IL16: variants seen among roughly 807,000 people sequenced by gnomAD.
The protein encoded by IL16 is interleukin 16.
Under a neutral mutation model 110.1 loss-of-function variants are expected in IL16, and 67 were observed. The ratio of observed to expected loss-of-function variants is 0.61; its 90% CI spans 0.50 to 0.75. IL16 has a LOEUF of 0.75. Ranked by LOEUF, IL16 falls within the 30% of genes least tolerant of loss-of-function variation. The pLI, the probability that IL16 is intolerant of heterozygous loss-of-function variation, is 0.00. For missense variants in IL16, 1,545 were observed against 1,655.0 expected (o/e 0.93, Z 1.15); for synonymous variants, 689 against 662.9 (o/e 1.04, Z -0.61).
At chr15:81,253,650 A>G (rs549540596) in intron 2 of IL16, among the ~76,000 whole-genome samples, 17 of 152,336 alleles carry the variant, frequency 1.1e-4, no homozygotes, top group African/African-American at 3.4e-4. Flanking sequence ...GGTGTGATAG[A>G]GGAGTCCAGC....
Position 81,225,387 on chromosome 15 carries a change from T to G in IL16, c.-13T>G. 3.1e-6 allele frequency: 5 copies of G among 1,612,924 alleles called. No homozygotes were observed. Among genetic ancestry groups the G allele is most frequent in the Middle Eastern group, 1.7e-4 (1 of 6,052 alleles). The stretch of plus-strand genomic sequence containing the variant: ...AGGAAAGGAAGAAAGGCAGCTTCAC[T>G]TCCTCTTTGAGGATGGAGTCGCACA... On this transcript the variant is annotated 5_prime_UTR_variant, in exon 2 of 19. Transcript: ENST00000683961.
intron 2 of IL16, among the ~76,000 whole-genome samples, chr15:81,252,449 T>G (rs1464345737): frequency 6.6e-6 from 1 of 152,106 alleles, no homozygotes; most frequent in African/African-American, 2.4e-5. Context: ...AATAGATGAG[T>G]GAATATTCTA....
At position 81,212,377 on chromosome 15, in the gene IL16, G is replaced by A. The variant is rs1896280621; in HGVS notation, c.-101-12922G>A. Among the ~76,000 whole-genome samples the A allele has an allele frequency of 2.0e-5, 3 of 152,088 alleles. No homozygotes were observed. In the East Asian group the frequency reaches 5.8e-4, roughly 29 times the overall value. On this transcript the variant is annotated intron_variant, in intron 1 of 18. Coordinates refer to ENST00000683961, the MANE Select transcript of IL16 (RefSeq NM_172217.5). ...TTATTTACTTATATATACATCTTATGTGTGTTTATGTGATCTATGTACTAT... is the reference window on the plus strand; with the variant it reads ...TTATTTACTTATATATACATCTTATATGTGTTTATGTGATCTATGTACTAT...
At chr15:81,235,412 T>C (rs975946523) in intron 2 of IL16, among the ~76,000 whole-genome samples, 1 of 151,820 alleles carries the variant, frequency 6.6e-6, no homozygotes, top group Non-Finnish European at 1.5e-5. Context: ...AGAGAGGAGA[T>C]CCCAGACTCT....
chr15:81,221,234 C>CT (rs1896605395), intron 1 of IL16, among the ~76,000 whole-genome samples: 1 of 152,246 alleles, frequency 6.6e-6, no homozygotes, highest in African/African-American at 2.4e-5. Flanking sequence ...AGTAAAACAA[C>CT]TGATCGCATT....
rs536168275 is a variant in IL16 at position 81,210,932 on chromosome 15, G to T, written c.-102+13780G>T. On this transcript the variant is annotated intron_variant, in intron 1 of 18. Transcript: ENST00000683961. ...CCTTGTCTTATTCCAATCCTCAAGG[G>T]GAATGGTTCCAGCTTTTTCCCATTC... Among the ~76,000 whole-genome samples the T allele has an allele frequency of 3.3e-5, 5 of 152,282 alleles. No homozygotes were observed. In the East Asian group the frequency reaches 9.6e-4, roughly 29 times the overall value.
chr15:81,218,694 T>C (rs1432298705), intron 1 of IL16, among the ~76,000 whole-genome samples: 1 of 152,230 alleles, frequency 6.6e-6, no homozygotes, highest in African/African-American at 2.4e-5. Flanking sequence ...ATTAATAGTT[T>C]GATTTTATTG....
rs770520247 is a variant in IL16, at chr15:81,269,521, C to G, written c.565-17C>G. On this transcript the variant is annotated splice_polypyrimidine_tract_variant and intron_variant, in intron 4 of 18. Coordinates refer to ENST00000683961, the MANE Select transcript of IL16 (RefSeq NM_172217.5). ...CTATGTGGCTAATCTTCTGCCTACT[C>G]TGGTTCCTTGTTGCAGGGAACTTCG... is the stretch of plus-strand genomic sequence containing the variant. The G allele has an allele frequency of 3.8e-6, 6 of 1,585,912 alleles. No individual in the cohort carries two copies. The highest frequency in any genetic ancestry group is 2.2e-5 in the South Asian group (2 of 90,416).
At chr15:81,204,821 A>G (rs757509528) in intron 1 of IL16, among the ~76,000 whole-genome samples, 3 of 152,002 alleles carry the variant, frequency 2.0e-5, no homozygotes, top group Non-Finnish European at 4.4e-5. Flanking sequence ...TGGAAGCTAG[A>G]GAGCGCATGG....
At chr15:81,196,564 A>C (rs1895601777), upstream of IL16, among the ~76,000 whole-genome samples, 1 of 152,180 alleles carries the variant, frequency 6.6e-6, no homozygotes, top group Non-Finnish European at 1.5e-5. Flanking sequence ...GTTTATAGAA[A>C]GCTCCTAGCA....
At chr15:81,256,493 CGGCTAGTTT>C (rs1897952144) in intron 2 of IL16, among the ~76,000 whole-genome samples, 1 of 151,874 alleles carries the variant, frequency 6.6e-6, no homozygotes, top group Non-Finnish European at 1.5e-5. Flanking sequence ...GCCAACATGC[CGGCTAGTTT>C]TTTTGTATTT....
Position 81,247,082 on chromosome 15 carries a change from T to C in IL16, c.313-12690T>C, listed in dbSNP as rs1045703552. On this transcript the variant is annotated intron_variant, in intron 2 of 18. Transcript: ENST00000683961. The stretch of plus-strand genomic sequence containing the variant: ...TTTTCTTTCTTTTCTTTTCCTTTTT[T>C]TTTTTTTTTTTTTTGATCTTGAGTG... 4.6e-4 allele frequency among the ~76,000 whole-genome samples: 67 copies of C among 145,244 alleles called. 1 individual carries two copies. The highest frequency in any genetic ancestry group is 5.8e-4 in the East Asian group (3 of 5,158).
At chr15:81,195,098 A>G (rs1170865441), upstream of IL16, among the ~76,000 whole-genome samples, 1 of 152,198 alleles carries the variant, frequency 6.6e-6, no homozygotes, top group African/African-American at 2.4e-5. Flanking sequence ...CGTATTAGGA[A>G]AAATCAGGGC....
In IL16 at chr15:81,303,768, C is replaced by A. The variant is rs1900414210; in HGVS notation, c.3420+118C>A. On this transcript the variant is annotated intron_variant, in intron 16 of 18. Coordinates refer to ENST00000683961, the MANE Select transcript of IL16 (RefSeq NM_172217.5). This position sits in a 1 kb window ranked among gnomAD's most constrained non-coding sequence, Gnocchi z 4.1. ...AAATGAAGAATGCATGACACTAGGC[C>A]ACTGGGCAGGTCCTGTCCACTCAGC... The A allele has an allele frequency of 2.8e-6, 2 of 713,692 alleles. No homozygotes were observed. The highest frequency in any genetic ancestry group is 5.0e-6 in the Non-Finnish European group (2 of 396,262). 44.2% of individuals were successfully genotyped at this position (713,692 alleles called of 1,614,324 possible).
intron 3 of IL16, among the ~76,000 whole-genome samples, chr15:81,263,937 C>T (rs1222050587): frequency 2.0e-5 from 3 of 152,162 alleles, no homozygotes; most frequent in African/African-American, 7.2e-5. Context: ...GAAGGAGTAA[C>T]TCCAGCAGGG....
chr15:81,299,457 G>A lies in IL16; in HGVS notation c.2131G>A (p.Glu711Lys), dbSNP rs781599219. 3.3e-5 allele frequency: 54 copies of A among 1,614,074 alleles called. No individual in the cohort carries two copies. The highest frequency in any genetic ancestry group is 1.6e-4 in the Middle Eastern group (1 of 6,084). ...RMDYSFDTTA[E>K]DPWVRISDCI... ...GGACTATAGCTTTGATACCACAGCC[G>A]AAGACCCTTGGGTTAGGATTTCTGA... The change falls in exon 14 of 19, where the codon GAA becomes AAA. Residue 711 changes from glutamate to lysine, a missense_variant. Physicochemically the swap from Glu to Lys is moderately conservative, Grantham distance 56 (BLOSUM62 1). Coordinates refer to ENST00000683961, the MANE Select transcript of IL16 (RefSeq NM_172217.5).
In IL16 at chr15:81,259,807, A is replaced by G; in HGVS notation, c.348A>G (p.Gly116=). ...CAGCTTCCTCTCGAGAAAAGCCTGG[A>G]AAACTAGAAGCACAAAGTAGTAACT... The part of the protein sequence containing the change: ...SSTASSREKP[G]KLEAQSSNFL... Residue 116 remains glycine, a synonymous_variant, in exon 3 of 19, where the codon GGA becomes GGG. Coordinates refer to ENST00000683961, the MANE Select transcript of IL16 (RefSeq NM_172217.5). The G allele has an allele frequency of 6.2e-7, 1 of 1,614,002 alleles. No individual in the cohort carries two copies. Among genetic ancestry groups the G allele is most frequent in the Admixed American group, 1.7e-5 (1 of 60,028 alleles).
At chr15:81,229,043 A>G (rs1388080822) in intron 2 of IL16, among the ~76,000 whole-genome samples, 2 of 152,214 alleles carry the variant, frequency 1.3e-5, no homozygotes. Context: ...GATGATGATT[A>G]TTATTTCTAT....
At chr15:81,187,094 C>T (rs2141912008) in intron 1 of IL16, among the ~76,000 whole-genome samples, 1 of 152,340 alleles carries the variant, frequency 6.6e-6, no homozygotes, top group South Asian at 2.1e-4. Context: ...CCTTTGGAGG[C>T]AGACTATGTG....
Sources: allele counts gnomAD v4.1 joint callset (sites outside exome capture counted in the v4.1 genomes callset), GRCh38; gene constraint gnomAD v4.1.1; non-coding constraint Gnocchi (gnomAD v3.1); transcripts MANE v1.5; gene names NCBI Gene and HGNC (gene_info 2026-07-23, HGNC 2026-07-21).